The following DISC1 variants were observed in gnomAD, a reference collection of about 807,000 sequenced individuals.
The protein encoded by DISC1 is disrupted in schizophrenia 1 protein.
Under a neutral mutation model 84.5 loss-of-function variants are expected in DISC1, and 57 were observed. The observed-to-expected ratio is 0.67, with a 90% CI of 0.55 to 0.84. The LOEUF (loss-of-function observed/expected upper bound fraction) is 0.84. Ranked by LOEUF, DISC1 falls within the 40% of genes least tolerant of loss-of-function variation. The probability of loss-of-function intolerance (pLI) is 0.00; values close to 1 mark genes in which losing one functional copy is unlikely to be tolerated. For synonymous variants in DISC1, 411 were observed against 415.2 expected (o/e 0.99, Z 0.12); for missense variants, 1,000 against 1,057.8 (o/e 0.95, Z 0.76).
At chr1:231,774,262 A>C (rs1044809046) in intron 6 of DISC1, among the ~76,000 whole-genome samples, 1 of 152,158 alleles carries the variant, frequency 6.6e-6, no homozygotes, top group African/African-American at 2.4e-5. Flanking sequence ...TCAAAGAAAA[A>C]AAAAAGGAAT....
intron 9 of DISC1, among the ~76,000 whole-genome samples, chr1:231,904,194 G>A (rs1054160551): frequency 4.6e-5 from 7 of 152,178 alleles, no homozygotes; most frequent in Non-Finnish European, 8.8e-5. Flanking sequence ...TGCAGGTTTG[G>A]CAGCCCAGAA....
Position 232,009,016 on chromosome 1 carries a change from C to T in DISC1, c.2274C>T (p.Pro758=). The T allele has an allele frequency of 6.2e-7, 1 of 1,613,902 alleles. No homozygotes were observed. The stretch of plus-strand genomic sequence containing the variant: ...AAGAATGGAAGACTCACCTCATCCC[C>T]TCTCTGCACTGTGCTGGAGGTGAAC... ...VLEEWKTHLI[P]SLHCAGGEQK... The change falls in exon 11 of 13, where the codon CCC becomes CCT. Residue 758 remains proline (P), a synonymous_variant. Transcript: ENST00000439617. The surrounding 1 kb of genome is among the most constrained non-coding windows in gnomAD (Gnocchi z 4.6).
intron 1 of DISC1, among the ~76,000 whole-genome samples, chr1:231,668,269 G>A (rs1025311376): frequency 2.0e-5 from 3 of 152,066 alleles, no homozygotes; most frequent in Admixed American, 6.6e-5. Context: ...CAAATTTTAA[G>A]TATACAATGC....
chr1:232,018,644 C>T (rs1176875506), intron 11 of DISC1, among the ~76,000 whole-genome samples: 2 of 152,190 alleles, frequency 1.3e-5, no homozygotes, highest in Admixed American at 1.3e-4. Flanking sequence ...TCTGCCCAAA[C>T]ATTCAGGCCT....
At chr1:231,992,392 G>A (rs1665326772) in intron 10 of DISC1, among the ~76,000 whole-genome samples, 1 of 152,026 alleles carries the variant, frequency 6.6e-6, no homozygotes, top group Non-Finnish European at 1.5e-5. Context: ...AAAACTCTTT[G>A]CTGGTTAATA....
At position 231,897,307 on chromosome 1, in the gene DISC1, T is replaced by G. The variant is rs566314315; in HGVS notation, c.1982-61521T>G. Among the ~76,000 whole-genome samples, 74 of 152,346 alleles carry G rather than the reference T, an allele frequency of 4.9e-4. No homozygotes were observed. The highest frequency in any genetic ancestry group is 1.6e-3 in the African/African-American group (66 of 41,590). On this transcript the variant is annotated intron_variant, in intron 9 of 12. Transcript: ENST00000439617. This position sits in a 1 kb window ranked among gnomAD's most constrained non-coding sequence, Gnocchi z 4.5. ...CTTGAATTAATAGTCAAACCTGATA[T>G]AGCTTCTTTGTCACTGTGTCTTTTC...
At chr1:231,869,022 C>T (rs539054743) in intron 9 of DISC1, among the ~76,000 whole-genome samples, 10 of 152,016 alleles carry the variant, frequency 6.6e-5, no homozygotes, top group South Asian at 4.2e-4. Context: ...GCCCTAAATG[C>T]GAGGAAGAAG....
At chr1:231,980,033 G>T (rs1297658942) in intron 10 of DISC1, among the ~76,000 whole-genome samples, 1 of 152,054 alleles carries the variant, frequency 6.6e-6, no homozygotes, top group African/African-American at 2.4e-5. Context: ...CTAACCTTAT[G>T]GTTCAAAGTC....
At chr1:231,978,491 A>G (rs1297011080) in intron 10 of DISC1, among the ~76,000 whole-genome samples, 1 of 152,228 alleles carries the variant, frequency 6.6e-6, no homozygotes, top group African/African-American at 2.4e-5. Flanking sequence ...AGAAATGTCT[A>G]ATTCTTTCTC....
intron 3 of DISC1, among the ~76,000 whole-genome samples, chr1:231,727,428 A>G (rs185493616): frequency 6.6e-6 from 1 of 152,274 alleles, no homozygotes; most frequent in African/African-American, 2.4e-5. Context: ...AATGGAGGAC[A>G]GAGAGCGAGT....
chr1:231,920,905 ATTTTTTTTT>A (rs34325068), intron 9 of DISC1, among the ~76,000 whole-genome samples: 13 of 112,920 alleles, frequency 1.2e-4, no homozygotes, highest in South Asian at 5.8e-4. Context: ...CTGAACTGCT[ATTTTTTTTT>A]TTTTTTTTTT....
chr1:231,773,498 C>T lies in DISC1; in HGVS notation c.1634+2428C>T, dbSNP rs184608155. 5.5e-4 allele frequency among the ~76,000 whole-genome samples: 84 copies of T among 152,304 alleles called. No individual in the cohort carries two copies. The Middle Eastern group carries it at 0.014, about 25-fold the overall frequency. On this transcript the variant is annotated intron_variant, in intron 6 of 12. Transcript: ENST00000439617. Reference sequence around the variant, plus strand: ...CTCCCAGGTTCAAGCGATTTTCCTGCCTCAGCCTCCTGAGTAGCTGGGACT... The same window carrying T: ...CTCCCAGGTTCAAGCGATTTTCCTGTCTCAGCCTCCTGAGTAGCTGGGACT...
chr1:231,738,197 A>C (rs541870659), intron 3 of DISC1, among the ~76,000 whole-genome samples: 109 of 152,288 alleles, frequency 7.2e-4, no homozygotes, highest in African/African-American at 2.4e-3. Context: ...ACACTCTCCC[A>C]TGCACCCAAC....
intron 9 of DISC1, among the ~76,000 whole-genome samples, chr1:231,824,211 T>C (rs1389524533): frequency 6.6e-6 from 1 of 152,204 alleles, no homozygotes; most frequent in African/African-American, 2.4e-5. Flanking sequence ...CCAAGCCGTC[T>C]GCTTTGGAAC....
chr1:231,849,245 C>T (rs775378145), intron 9 of DISC1, among the ~76,000 whole-genome samples: 6 of 151,908 alleles, frequency 3.9e-5, no homozygotes, highest in South Asian at 2.1e-4. Flanking sequence ...CTTGGACTCC[C>T]GAGTAGCTGG....
chr1:231,767,347 G>A, intron 5 of DISC1, 78 bp downstream of exon 5: 1 of 1,572,676 alleles, frequency 6.4e-7, no homozygotes, highest in African/African-American at 1.4e-5. Context: ...CTGTTGCCTA[G>A]GTTGGAGGGC....
intron 9 of DISC1, among the ~76,000 whole-genome samples, chr1:231,935,652 G>A (rs1336787453): frequency 3.3e-5 from 5 of 152,130 alleles, no homozygotes; most frequent in Non-Finnish European, 2.9e-5. Flanking sequence ...ACAGGGTTTG[G>A]CGTCTAAAGC....
intron 10 of DISC1, among the ~76,000 whole-genome samples, chr1:232,005,225 T>C (rs1002056579): frequency 4.6e-5 from 7 of 151,992 alleles, no homozygotes; most frequent in African/African-American, 1.7e-4. Context: ...CATCAAGAAA[T>C]AAAATACTTC....
In DISC1 at chr1:231,723,306, A is replaced by T. The variant is rs954684682; in HGVS notation, c.1117+21282A>T. Reference sequence around the variant, plus strand: ...TTAAAACCCGTGTTGTTCAAGGGTCAACCATAACTGCAGGCAGAACATCTG... The same window carrying T: ...TTAAAACCCGTGTTGTTCAAGGGTCTACCATAACTGCAGGCAGAACATCTG... On this transcript the variant is annotated intron_variant, in intron 3 of 12. Coordinates refer to ENST00000439617, the MANE Select transcript of DISC1 (RefSeq NM_018662.3). 9.1e-6 allele frequency: 9 copies of T among 986,028 alleles called. No individual in the cohort carries two copies. In the African/African-American group the frequency reaches 1.6e-4, roughly 17 times the overall value. 61.1% of individuals were successfully genotyped at this position (986,028 alleles called of 1,614,324 possible). A position where few individuals can be genotyped will look rare whatever the true frequency, so the allele number is the denominator to read the frequency against.
Sources: gnomAD v4.1 joint callset for allele counts (sites outside exome capture counted in the v4.1 genomes callset) on GRCh38, gnomAD v4.1.1 for gene constraint, Gnocchi (gnomAD v3.1) non-coding constraint, MANE v1.5 for transcripts, NCBI Gene and HGNC (gene_info 2026-07-23, HGNC 2026-07-21) for gene names.